Variants in NEDD4 observed in about 807,000 individuals in gnomAD.
NEDD4 encodes E3 ubiquitin-protein ligase NEDD4.
In NEDD4, 99 loss-of-function variants were observed where a neutral mutation model predicts 144.9. The observed-to-expected ratio is 0.68, with a 90% CI of 0.58 to 0.81. The LOEUF is 0.81. Among genes scored for constraint, NEDD4 ranks in the 30% least tolerant of loss-of-function variants. The probability of loss-of-function intolerance (pLI) is 0.00; values close to 1 mark genes in which losing one functional copy is unlikely to be tolerated. For missense variants in NEDD4, 985 were observed against 1,065.9 expected (o/e 0.92, Z 1.06); for synonymous variants, 318 against 350.6 (o/e 0.91, Z 1.04).
intron 2 of NEDD4, among the ~76,000 whole-genome samples, chr15:55,961,276 A>T (rs1458570835): frequency 2.0e-5 from 3 of 152,170 alleles, no homozygotes; most frequent in Non-Finnish European, 4.4e-5. Context: ...TAGAGTTTAC[A>T]GCCACTCTCA....
chr15:55,977,988 C>G (rs898872980), intron 1 of NEDD4, among the ~76,000 whole-genome samples: 1 of 152,090 alleles, frequency 6.6e-6, no homozygotes, highest in East Asian at 1.9e-4. Context: ...AAAGTGACAA[C>G]AGCAAATAAT....
intron 4 of NEDD4, among the ~76,000 whole-genome samples, chr15:55,950,256 C>T (rs2037214133): frequency 6.6e-6 from 1 of 152,144 alleles, no homozygotes. Context: ...TTATGTCATA[C>T]TACATAGAGT....
In NEDD4 at chr15:55,840,715, G is replaced by A. The variant is rs1035661608; in HGVS notation, c.1851C>T (p.Thr617=). 6.2e-7 allele frequency: 1 copy of A among 1,610,636 alleles called. No individual in the cohort carries two copies. The highest frequency in any genetic ancestry group is 2.2e-5 in the East Asian group (1 of 44,820). Residue 617 remains threonine (T), a synonymous_variant, in exon 20 of 29, where the codon ACC becomes ACT. Transcript: ENST00000435532. Reference sequence around the variant, plus strand: ...ATCCAGAGTTTGGATTTATCTGTAGGGTATAATTGTCCCTGTAAAGACAAC... The same window carrying A: ...ATCCAGAGTTTGGATTTATCTGTAGAGTATAATTGTCCCTGTAAAGACAAC... ...LFEYSATDNY[T]LQINPNSGLC...
intron 4 of NEDD4, among the ~76,000 whole-genome samples, chr15:55,946,938 A>G (rs1380375234): frequency 3.9e-5 from 6 of 152,218 alleles, no homozygotes; most frequent in Non-Finnish European, 8.8e-5. Context: ...AGGCAGAAAC[A>G]AAGATGTTCT....
intron 1 of NEDD4, among the ~76,000 whole-genome samples, chr15:55,974,849 T>C (rs1387558796): frequency 6.7e-6 from 1 of 150,096 alleles, no homozygotes; most frequent in East Asian, 1.9e-4. Context: ...GCCTTTCCTC[T>C]ATGATCTGGA....
intron 5 of NEDD4, among the ~76,000 whole-genome samples, chr15:55,876,065 G>A (rs988625670): frequency 1.1e-4 from 17 of 152,132 alleles, no homozygotes; most frequent in African/African-American, 3.4e-4. Flanking sequence ...TTGACTTCTC[G>A]TCAAAAACAA....
intron 1 of NEDD4, among the ~76,000 whole-genome samples, chr15:55,988,487 T>TAAAAAAAAAAAAAAAAAAAAAAAAAA (rs56688563): frequency 3.4e-4 from 35 of 101,640 alleles, no homozygotes; most frequent in Non-Finnish European, 4.8e-4. Flanking sequence ...AAAAAAAAAT[T>TAAAAAAAAAAAAAAAAAAAAAAAAAA]AAAAAAAAAA....
At chr15:55,901,931 T>C (rs1338775714) in intron 5 of NEDD4, among the ~76,000 whole-genome samples, 2 of 152,050 alleles carry the variant, frequency 1.3e-5, no homozygotes, top group Non-Finnish European at 2.9e-5. Context: ...TATATAAATA[T>C]AAAAACCAGG....
intron 2 of NEDD4, among the ~76,000 whole-genome samples, chr15:55,963,836 G>A (rs1475952191): frequency 2.0e-5 from 3 of 152,080 alleles, no homozygotes; most frequent in Non-Finnish European, 4.4e-5. Flanking sequence ...AATTATCTAG[G>A]TGTCTTTTTT....
intron 4 of NEDD4, among the ~76,000 whole-genome samples, chr15:55,945,124 CCT>C (rs2037085196): frequency 2.0e-5 from 3 of 152,028 alleles, no homozygotes; most frequent in South Asian, 4.1e-4. Context: ...GATCGCAGCC[CCT>C]CGCCAGCAAC....
intron 4 of NEDD4, among the ~76,000 whole-genome samples, chr15:55,929,869 C>G (rs2036746966): frequency 6.7e-6 from 1 of 150,030 alleles, no homozygotes; most frequent in African/African-American, 2.4e-5. Flanking sequence ...GTCTTGCATC[C>G]ATAAAACAAA....
intron 1 of NEDD4, among the ~76,000 whole-genome samples, chr15:55,990,683 A>G (rs1479077547): frequency 2.0e-5 from 3 of 152,154 alleles, no homozygotes; most frequent in African/African-American, 7.2e-5. Context: ...ATTAATTTCA[A>G]TGGAGTGTGG....
Position 55,926,283 on chromosome 15 carries a change from A to G in NEDD4, c.238-1584T>C, listed in dbSNP as rs556743061. 9.9e-5 allele frequency among the ~76,000 whole-genome samples: 15 copies of G among 152,276 alleles called. No individual in the cohort carries two copies. The South Asian group carries it at 2.5e-3, about 25-fold the overall frequency. On this transcript the variant is annotated intron_variant, in intron 4 of 28. Coordinates refer to ENST00000435532, the MANE Select transcript of NEDD4 (RefSeq NM_006154.4). The stretch of plus-strand genomic sequence containing the variant: ...CAACCAATGAAGCCAACCTAGTGCC[A>G]GTCACTCCTCAGGAGAGCTTTTCAG...
intron 2 of NEDD4, among the ~76,000 whole-genome samples, chr15:55,964,126 C>A (rs1851774092): frequency 6.6e-6 from 1 of 152,000 alleles, no homozygotes; most frequent in Admixed American, 6.6e-5. Flanking sequence ...TTTTTAAATA[C>A]TATATAAATT....
chr15:55,933,487 CT>C (rs2036822337), intron 4 of NEDD4, among the ~76,000 whole-genome samples: 1 of 135,204 alleles, frequency 7.4e-6, no homozygotes. Flanking sequence ...AATGAGAACA[CT>C]TGGACACGGG....
chr15:55,943,180 T>C (rs1280355963), intron 4 of NEDD4, among the ~76,000 whole-genome samples: 1 of 152,194 alleles, frequency 6.6e-6, no homozygotes, highest in Non-Finnish European at 1.5e-5. Flanking sequence ...AACTTATATT[T>C]AAAAGGAAAG....
chr15:55,917,786 C>G lies in NEDD4; in HGVS notation c.291+6860G>C, dbSNP rs550729977. Among the ~76,000 whole-genome samples the G allele has an allele frequency of 9.5e-4, 144 of 151,816 alleles. 3 individuals are homozygous for G. In the South Asian group the frequency reaches 0.029, roughly 31 times the overall value. ...ATTTATATTTTGACTATTAAAACTG[C>G]CAAGAAATAGCCTAAGCAAACATTC... is the stretch of plus-strand genomic sequence containing the variant. On this transcript the variant is annotated intron_variant, in intron 5 of 28. Coordinates refer to ENST00000435532, the MANE Select transcript of NEDD4 (RefSeq NM_006154.4).
intron 4 of NEDD4, among the ~76,000 whole-genome samples, chr15:55,947,613 T>G (rs1459613689): frequency 6.6e-6 from 1 of 152,154 alleles, no homozygotes; most frequent in Non-Finnish European, 1.5e-5. Flanking sequence ...CATGATCAAG[T>G]GGGCTTCATC....
intron 7 of NEDD4, among the ~76,000 whole-genome samples, chr15:55,870,546 T>C (rs72732276): frequency 0.19 from 18,763 of 99,990 alleles, 908 homozygotes; most frequent in East Asian, 0.4. Context: ...TTTTTTTTTT[T>C]GTTTTGAGAC....
Sources: allele counts gnomAD v4.1 joint callset (sites outside exome capture counted in the v4.1 genomes callset), GRCh38; gene constraint gnomAD v4.1.1; transcripts MANE v1.5; gene names NCBI Gene and HGNC (gene_info 2026-07-23, HGNC 2026-07-21).